USP31: variants seen among roughly 807,000 people sequenced by gnomAD.
USP31 encodes ubiquitin carboxyl-terminal hydrolase 31.
In USP31, 44 loss-of-function variants were observed where a neutral mutation model predicts 119.4. The ratio of observed to expected loss-of-function variants is 0.37; its 90% CI spans 0.29 to 0.47. The LOEUF (loss-of-function observed/expected upper bound fraction) is 0.47, where lower values mean the gene tolerates loss of function less well. Among genes scored for constraint, USP31 ranks in the 20% least tolerant of loss-of-function variants. USP31 has a pLI of 0.99. For synonymous variants in USP31, 749 were observed against 705.6 expected (o/e 1.06, Z -0.97); for missense variants, 1,643 against 1,730.2 (o/e 0.95, Z 0.89).
intron 1 of USP31, among the ~76,000 whole-genome samples, chr16:23,118,441 A>AT (rs941361552): frequency 1.3e-5 from 2 of 151,618 alleles, no homozygotes; most frequent in African/African-American, 2.4e-5. Flanking sequence ...CCCACTGCTA[A>AT]TTTTTTTTTC....
At chr16:23,073,334 A>G (rs545498176) in intron 14 of USP31, among the ~76,000 whole-genome samples, 1 of 152,280 alleles carries the variant, frequency 6.6e-6, no homozygotes, top group Admixed American at 6.5e-5. Flanking sequence ...TGACCCCATG[A>G]GGTAGGCATT....
At chr16:23,119,306 C>T (rs960651875) in intron 1 of USP31, among the ~76,000 whole-genome samples, 4 of 152,054 alleles carry the variant, frequency 2.6e-5, no homozygotes, top group Non-Finnish European at 5.9e-5. Flanking sequence ...CCATGTTGGC[C>T]AGGCTGGTCT....
At chr16:23,106,039 C>A (rs1301771875) in intron 4 of USP31, among the ~76,000 whole-genome samples, 174 bp downstream of exon 4, 1 of 152,144 alleles carries the variant, frequency 6.6e-6, no homozygotes, top group Non-Finnish European at 1.5e-5. Context: ...TGCCTGCTCA[C>A]CCTGCAAACT....
chr16:23,143,947 A>C (rs1903432086), intron 1 of USP31, among the ~76,000 whole-genome samples: 1 of 152,148 alleles, frequency 6.6e-6, no homozygotes, highest in African/African-American at 2.4e-5. Flanking sequence ...TAAGAGTAGG[A>C]AACAAACAAA....
In USP31 at chr16:23,068,002, T is replaced by C. The variant is rs1453373407; in HGVS notation, c.*44A>G. 2 of 1,550,116 alleles carry C rather than the reference T, an allele frequency of 1.3e-6. No homozygotes were observed. The highest frequency in any genetic ancestry group is 2.0e-5 in the Admixed American group (1 of 49,646). The stretch of plus-strand genomic sequence containing the variant: ...TTGGTGGGAGGGCAGGGGTTCTAAA[T>C]AAATAAACATCTTTACAGATAAAAC... On this transcript the variant is annotated 3_prime_UTR_variant, in exon 16 of 16. Coordinates refer to ENST00000219689, the MANE Select transcript of USP31 (RefSeq NM_020718.4).
chr16:23,070,174 G>A (rs1900286440), intron 15 of USP31, among the ~76,000 whole-genome samples: 2 of 152,134 alleles, frequency 1.3e-5, no homozygotes, highest in African/African-American at 2.4e-5. Context: ...GTGAGGTATT[G>A]ACCCAGCTTC....
chr16:23,108,001 ACT>A, intron 2 of USP31, 43 bp downstream of exon 2: 6 of 1,566,948 alleles, frequency 3.8e-6, no homozygotes, highest in Non-Finnish European at 5.2e-6. Flanking sequence ...GAATCTACAC[ACT>A]CTCATGGCTG....
At chr16:23,071,390 G>A (rs577339596) in intron 15 of USP31, among the ~76,000 whole-genome samples, 105 of 151,674 alleles carry the variant, frequency 6.9e-4, no homozygotes, top group African/African-American at 2.3e-3. Flanking sequence ...GTGGCTGCCC[G>A]GTCCTTCCCA....
At chr16:23,092,630 T>C (rs559847723) in intron 6 of USP31, among the ~76,000 whole-genome samples, 8 of 152,062 alleles carry the variant, frequency 5.3e-5, no homozygotes, top group Non-Finnish European at 1.2e-4. Flanking sequence ...GCAATAAAAC[T>C]AGAAACAATC....
At chr16:23,102,689 G>A (rs781679634) in intron 5 of USP31, among the ~76,000 whole-genome samples, 3 of 152,064 alleles carry the variant, frequency 2.0e-5, no homozygotes, top group Non-Finnish European at 2.9e-5. Context: ...TGCTACATCT[G>A]TGGATTCAAC....
chr16:23,136,329 A>G (rs898628778), intron 1 of USP31, among the ~76,000 whole-genome samples: 15 of 152,192 alleles, frequency 9.9e-5, no homozygotes, highest in African/African-American at 3.4e-4. Context: ...AGGCAACAAA[A>G]GAAAAACTAG....
chr16:23,148,118 C>T (rs969887116), intron 1 of USP31, among the ~76,000 whole-genome samples: 6 of 152,092 alleles, frequency 3.9e-5, no homozygotes, highest in Non-Finnish European at 7.4e-5. Flanking sequence ...TATAAAAGTG[C>T]CAATCTGTAA....
chr16:23,136,646 T>C (rs1169432434), intron 1 of USP31, among the ~76,000 whole-genome samples: 2 of 149,064 alleles, frequency 1.3e-5, no homozygotes, highest in Admixed American at 6.6e-5. Flanking sequence ...AAAGCAAGAC[T>C]TCATCTCAAA....
intron 6 of USP31, among the ~76,000 whole-genome samples, chr16:23,097,956 T>C (rs1449070812): frequency 1.3e-5 from 2 of 152,132 alleles, no homozygotes; most frequent in African/African-American, 4.8e-5. Context: ...CAACATAGTG[T>C]TGGAAGTTCT....
chr16:23,080,755 C>T (rs1171188177), intron 12 of USP31, among the ~76,000 whole-genome samples: 1 of 152,168 alleles, frequency 6.6e-6, no homozygotes, highest in African/African-American at 2.4e-5. Context: ...TGAATGTTTC[C>T]TGTGTCTATG....
At chr16:23,088,781 T>C (rs141923558) in intron 7 of USP31, among the ~76,000 whole-genome samples, 1 of 152,220 alleles carries the variant, frequency 6.6e-6, no homozygotes, top group Admixed American at 6.5e-5. Context: ...CAATAGGCTG[T>C]GAGTTATTTG....
chr16:23,127,756 G>A (rs1276578126), intron 1 of USP31, among the ~76,000 whole-genome samples: 1 of 151,770 alleles, frequency 6.6e-6, no homozygotes, highest in Non-Finnish European at 1.5e-5. Flanking sequence ...GGGATTACAG[G>A]CGTGAGCCAA....
intron 11 of USP31, 66 bp downstream of exon 11, chr16:23,084,794 T>TA: frequency 6.3e-7 from 1 of 1,591,630 alleles, no homozygotes; most frequent in Admixed American, 1.7e-5. Context: ...GTTTCTCCAC[T>TA]ATCACCTTGC....
intron 1 of USP31, among the ~76,000 whole-genome samples, chr16:23,138,337 A>C (rs1360045391): frequency 1.3e-5 from 2 of 152,206 alleles, no homozygotes; most frequent in Admixed American, 6.5e-5. Flanking sequence ...ATCTTTGAAC[A>C]GTTCTAAATT....
Sources: allele counts gnomAD v4.1 joint callset (sites outside exome capture counted in the v4.1 genomes callset), GRCh38; gene constraint gnomAD v4.1.1; transcripts MANE v1.5; gene names NCBI Gene and HGNC (gene_info 2026-07-23, HGNC 2026-07-21).